Variants in SLC38A9 observed in about 807,000 individuals in gnomAD.
The protein encoded by SLC38A9 is neutral amino acid transporter 9.
Under a neutral mutation model 62.3 loss-of-function variants are expected in SLC38A9, and 48 were observed. The observed-to-expected ratio is 0.77, with a 90% CI of 0.61 to 0.98. The LOEUF is 0.98. Among genes scored for constraint, SLC38A9 ranks in the 50% least tolerant of loss-of-function variants. The pLI is 0.00. For synonymous variants in SLC38A9, 204 were observed against 227.7 expected (o/e 0.90, Z 0.94); for missense variants, 541 against 679.8 (o/e 0.80, Z 2.27).
At chr5:55,642,531 G>C (rs753965865) in intron 12 of SLC38A9, among the ~76,000 whole-genome samples, 25 of 152,158 alleles carry the variant, frequency 1.6e-4, no homozygotes, top group Non-Finnish European at 8.8e-5. Flanking sequence ...TTATGGATAG[G>C]ATCATCCAAT....
intron 10 of SLC38A9, among the ~76,000 whole-genome samples, chr5:55,651,128 C>CA (rs1193308624): frequency 6.6e-6 from 1 of 151,848 alleles, no homozygotes; most frequent in Non-Finnish European, 1.5e-5. Flanking sequence ...CCAGAGATCA[C>CA]ATCCACAGGG....
intron 8 of SLC38A9, among the ~76,000 whole-genome samples, chr5:55,662,740 T>C (rs1202786331): frequency 6.6e-6 from 1 of 150,660 alleles, no homozygotes; most frequent in Non-Finnish European, 1.5e-5. Context: ...ATTCATGTAG[T>C]AAAAGTCCAA....
At chr5:55,660,804 G>T (rs10940479) in intron 8 of SLC38A9, among the ~76,000 whole-genome samples, 90,904 of 151,706 alleles carry the variant, frequency 0.6, 27,809 homozygotes, top group South Asian at 0.7. Flanking sequence ...TTCATGGGGG[G>T]GGTGATCAGA....
intron 8 of SLC38A9, among the ~76,000 whole-genome samples, chr5:55,658,597 C>A (rs932641216): frequency 6.6e-6 from 1 of 152,190 alleles, no homozygotes. Flanking sequence ...TAGGAAGAGG[C>A]AAGGAAGGAT....
chr5:55,705,388 T>C (rs967415965), intron 2 of SLC38A9, among the ~76,000 whole-genome samples: 2 of 144,814 alleles, frequency 1.4e-5, no homozygotes, highest in Non-Finnish European at 3.0e-5. Flanking sequence ...TGTTATTGTT[T>C]AAATCCAATA....
chr5:55,676,424 T>A (rs1478207417), intron 3 of SLC38A9, among the ~76,000 whole-genome samples: 1 of 152,296 alleles, frequency 6.6e-6, no homozygotes, highest in African/African-American at 2.4e-5. Context: ...GCAATCCTCC[T>A]GTCTTGGCCT....
At chr5:55,657,083 G>A (rs893734644) in intron 8 of SLC38A9, among the ~76,000 whole-genome samples, 9 of 152,006 alleles carry the variant, frequency 5.9e-5, no homozygotes, top group Admixed American at 4.6e-4. Flanking sequence ...GGATGGTCTC[G>A]ATCTCCTGAC....
rs1051657664 is a variant in SLC38A9, at chr5:55,690,941, A to T, written c.113+6905T>A. 2.0e-5 allele frequency among the ~76,000 whole-genome samples: 3 copies of T among 152,158 alleles called. No homozygotes were observed. Among genetic ancestry groups the T allele is most frequent in the Non-Finnish European group, 4.4e-5 (3 of 68,018 alleles). On this transcript the variant is annotated intron_variant, in intron 3 of 15. Transcript: ENST00000396865. ...TATTTTTCCTTCTTCCTCTCTCCTA[A>T]GACCTTAAGTACCAAAAAGAGTCAA...
At chr5:55,697,654 GAA>G (rs3042033) in intron 3 of SLC38A9, among the ~76,000 whole-genome samples, 190 bp downstream of exon 3, 72,293 of 131,148 alleles carry the variant, frequency 0.55, 19,661 homozygotes, top group South Asian at 0.65. Context: ...TGAGTTTAGT[GAA>G]AAAAAAAAAA....
intron 7 of SLC38A9, among the ~76,000 whole-genome samples, chr5:55,666,063 G>A (rs1750408764): frequency 6.6e-6 from 1 of 152,098 alleles, no homozygotes; most frequent in Non-Finnish European, 1.5e-5. Flanking sequence ...ATACAATAGA[G>A]CTGCCGTGTG....
Position 55,664,710 on chromosome 5 carries a change from G to T in SLC38A9, c.680C>A (p.Thr227Asn). Residue 227 changes from threonine to asparagine, a missense_variant, in exon 8 of 16, where the codon ACT (threonine) becomes AAT (asparagine). Physicochemically the swap from Thr to Asn is moderately conservative, Grantham distance 65. Transcript: ENST00000396865. ...WVLMSNFLFNTGKFIFNFIHH... is the reference protein window; with the variant it reads ...WVLMSNFLFNNGKFIFNFIHH... ...ATACTTACTAAAAATAAACTTTCCA[G>T]TATTAAAAAGAAAATTTGACATAAG... 6.4e-7 allele frequency: 1 copy of T among 1,550,800 alleles called. No homozygotes were observed.
chr5:55,652,120 AG>A (rs1747604555), intron 10 of SLC38A9, among the ~76,000 whole-genome samples: 1 of 151,880 alleles, frequency 6.6e-6, no homozygotes. Flanking sequence ...GCACTTTGGG[AG>A]GCTGAGGCAG....
intron 8 of SLC38A9, chr5:55,658,000 G>T (rs771082036): frequency 5.9e-5 from 9 of 152,104 alleles, no homozygotes; most frequent in Non-Finnish European, 8.8e-5. Context: ...GACACGAAGT[G>T]TACTGGGTTA....
At chr5:55,709,497 GC>G (rs1343027677) in intron 2 of SLC38A9, among the ~76,000 whole-genome samples, 1 of 151,622 alleles carries the variant, frequency 6.6e-6, no homozygotes, top group African/African-American at 2.4e-5. Flanking sequence ...CAAGAGGATT[GC>G]TTGAACCTAG....
intron 3 of SLC38A9, among the ~76,000 whole-genome samples, chr5:55,676,495 T>C (rs1256641272): frequency 6.6e-6 from 1 of 152,230 alleles, no homozygotes; most frequent in African/African-American, 2.4e-5. Context: ...TCTTAAATTG[T>C]ACATATACAA....
intron 12 of SLC38A9, among the ~76,000 whole-genome samples, chr5:55,637,343 C>T (rs1175174912): frequency 6.6e-6 from 1 of 152,212 alleles, no homozygotes; most frequent in Non-Finnish European, 1.5e-5. Flanking sequence ...AGACTTTTCC[C>T]TTCCGCTTCT....
chr5:55,698,044 C>G, intron 2 of SLC38A9, 52 bp from the exon 3 acceptor site: 1 of 666,582 alleles, frequency 1.5e-6, no homozygotes, highest in Non-Finnish European at 2.5e-6. Flanking sequence ...TTTTATTATC[C>G]ATCACTAATA....
rs567646925 is a variant in SLC38A9, at chr5:55,660,046, A to C, written c.698-3272T>G. On this transcript the variant is annotated intron_variant, in intron 8 of 15. Transcript: ENST00000396865. ...CTCCCAAAGTGCTGGGATTACAGGCATGAGCCACCACGCCCGGCTACAAAA... is the reference window on the plus strand; with the variant it reads ...CTCCCAAAGTGCTGGGATTACAGGCCTGAGCCACCACGCCCGGCTACAAAA... Among the ~76,000 whole-genome samples the C allele has an allele frequency of 2.0e-5, 3 of 148,920 alleles. No homozygotes were observed. The South Asian group carries it at 6.8e-4, about 34-fold the overall frequency.
intron 3 of SLC38A9, among the ~76,000 whole-genome samples, chr5:55,685,405 C>G (rs1352709762): frequency 6.6e-6 from 1 of 152,156 alleles, no homozygotes; most frequent in Non-Finnish European, 1.5e-5. Flanking sequence ...ATAATGTCTT[C>G]AAGGTTGATA....
Sources: allele counts gnomAD v4.1 joint callset (sites outside exome capture counted in the v4.1 genomes callset), GRCh38; gene constraint gnomAD v4.1.1; transcripts MANE v1.5; gene names NCBI Gene and HGNC (gene_info 2026-07-23, HGNC 2026-07-21).